UBTF: variants seen among roughly 807,000 people sequenced by gnomAD.
UBTF encodes upstream binding transcription factor.
Under a neutral mutation model 112.3 loss-of-function variants are expected in UBTF, and 8 were observed. The observed-to-expected ratio is 0.07, with a 90% confidence interval of 0.04 to 0.13. The LOEUF is 0.13. Ranked by LOEUF, UBTF falls within the 10% of genes least tolerant of loss-of-function variation. The pLI, the probability that UBTF is intolerant of heterozygous loss-of-function variation, is 1.00. For missense variants in UBTF, 457 were observed against 982.1 expected (o/e 0.47, Z 7.15); for synonymous variants, 417 against 373.1 (o/e 1.12, Z -1.36).
At chr17:44,219,905 G>T (rs899104157), upstream of UBTF, among the ~76,000 whole-genome samples, 12 of 150,842 alleles carry the variant, frequency 8.0e-5, no homozygotes, top group African/African-American at 2.9e-4. Flanking sequence ...CCGCCTCGCC[G>T]GCTCCGCTCC....
At position 44,211,146 on chromosome 17, in the gene UBTF, G is replaced by A. The variant is rs1250548362; in HGVS notation, c.1096C>T (p.Pro366Ser). 6.2e-7 allele frequency: 1 copy of A among 1,613,008 alleles called. No homozygotes were observed. The highest frequency in any genetic ancestry group is 1.7e-5 in the Admixed American group (1 of 60,014). The stretch of plus-strand genomic sequence containing the variant: ...AAGACCCGCTGCTGCTCCTCCTCAG[G>A]CAGGCTCTGGACAGGAAAGAGGAGC... Reference protein sequence around the residue: ...VELLRFLESLPEEEQQRVLGE... With the variant: ...VELLRFLESLSEEEQQRVLGE... The change falls in exon 12 of 21, where the codon CCT becomes TCT. Residue 366 changes from proline (P) to serine (S), a missense_variant. By Grantham distance (74) the Pro-to-Ser change is moderately conservative. Coordinates refer to ENST00000436088, the MANE Select transcript of UBTF (RefSeq NM_014233.4). This position sits in a 1 kb window ranked among gnomAD's most constrained non-coding sequence, Gnocchi z 4.9.
upstream of UBTF, chr17:44,219,691 C>T (rs904038182): frequency 2.0e-5 from 3 of 152,914 alleles, no homozygotes; most frequent in Non-Finnish European, 2.9e-5. Context: ...ACAGCGCCCT[C>T]CGCCTGCAGG....
intron 15 of UBTF, 62 bp from the exon 16 acceptor site, chr17:44,209,795 C>T: frequency 6.5e-7 from 1 of 1,548,596 alleles, no homozygotes; most frequent in Non-Finnish European, 8.8e-7. Context: ...CTGCCTTCTG[C>T]CTCATGCCAT....
Position 44,217,365 on chromosome 17 carries a change from G to A in UBTF, c.59-661C>T, listed in dbSNP as rs558476232. On this transcript the variant is annotated intron_variant, in intron 2 of 20. Coordinates refer to ENST00000436088, the MANE Select transcript of UBTF (RefSeq NM_014233.4). Reference sequence around the variant, plus strand: ...TAGGCAGGTGCACAGAAACTCTCAGGGCCCTGCTCCAGGGAGAACCCCCAG... The same window carrying A: ...TAGGCAGGTGCACAGAAACTCTCAGAGCCCTGCTCCAGGGAGAACCCCCAG... Among the ~76,000 whole-genome samples, 4 of 152,136 alleles carry A rather than the reference G, an allele frequency of 2.6e-5. 1 individual carries two copies. The South Asian group carries it at 8.3e-4, about 32-fold the overall frequency.
At chr17:44,220,997 C>T (rs2047161854), upstream of UBTF, 1 of 150,768 alleles carries the variant, frequency 6.6e-6, no homozygotes, top group Non-Finnish European at 1.5e-5. Context: ...TCGGCGCCGC[C>T]GCCTCCCGGG....
At chr17:44,218,835 C>T (rs1460949330) in intron 1 of UBTF, among the ~76,000 whole-genome samples, 1 of 150,620 alleles carries the variant, frequency 6.6e-6, no homozygotes. Context: ...GGCCGCACCG[C>T]CCCCGGGGAC....
chr17:44,209,198 G>T, intron 17 of UBTF, 154 bp downstream of exon 17: 1 of 732,808 alleles, frequency 1.4e-6, no homozygotes, highest in South Asian at 2.4e-5. Context: ...AAATAAAAGG[G>T]TGATAGTGAC....
At position 44,213,499 on chromosome 17, in the gene UBTF, C is replaced by T. The variant is rs2046683359; in HGVS notation, c.475-217G>A. 2.4e-5 allele frequency: 13 copies of T among 538,040 alleles called. No homozygotes were observed. The South Asian group carries it at 3.6e-4, about 15-fold the overall frequency. The allele number at this position is 538,040 out of a possible 1,614,324, so 33.3% of individuals were successfully genotyped here. ...GTGGGAGCTGCAGGGGTCGCCCAGA[C>T]ACTGAATCCTACATCCTATTCTCTC... On this transcript the variant is annotated intron_variant, in intron 5 of 20. Coordinates refer to ENST00000436088, the MANE Select transcript of UBTF (RefSeq NM_014233.4).
rs749754432 is a variant in UBTF, at chr17:44,211,390, G to A, written c.1048-59C>T. On this transcript the variant is annotated intron_variant, in intron 10 of 20. Coordinates refer to ENST00000436088, the MANE Select transcript of UBTF (RefSeq NM_014233.4). The surrounding 1 kb of genome is among the most constrained non-coding windows in gnomAD (Gnocchi z 4.9). ...AGACAGTGTCACCACAGACCCTGCA[G>A]TACTCGGAGGACAGTGACCTTCAGC... is the stretch of plus-strand genomic sequence containing the variant. The A allele has an allele frequency of 1.2e-4, 200 of 1,606,296 alleles. 1 individual carries two copies. Among genetic ancestry groups the A allele is most frequent in the Middle Eastern group, 1.1e-3 (6 of 5,240 alleles).
In UBTF at chr17:44,210,134, T is replaced by C; in HGVS notation, c.1616A>G (p.Lys539Arg). 1 of 1,614,182 alleles carries C rather than the reference T, an allele frequency of 6.2e-7. No homozygotes were observed. The highest frequency in any genetic ancestry group is 8.5e-7 in the Non-Finnish European group (1 of 1,180,026). ...CAGCCCCATTCCTACCTCATATCGC[T>C]TTTGGTCTTCGGCTGCCTTCTTAAT... ...MWIKKAAEDQKRYERELSEMR... is the reference protein window; with the variant it reads ...MWIKKAAEDQRRYERELSEMR... Residue 539 changes from lysine to arginine, a missense_variant, in exon 15 of 21, where the codon AAG (lysine) becomes AGG (arginine). Coordinates refer to ENST00000436088, the MANE Select transcript of UBTF (RefSeq NM_014233.4).
rs180866474 is a variant in UBTF, at chr17:44,210,259, C to G, written c.1516-25G>C. Reference sequence around the variant, plus strand: ...TCTGGGGACCAATAAGGGTATCAGCCGTGGGAGGGGTCACCCGGGGCTAGA... The same window carrying G: ...TCTGGGGACCAATAAGGGTATCAGCGGTGGGAGGGGTCACCCGGGGCTAGA... On this transcript the variant is annotated intron_variant, in intron 14 of 20. Transcript: ENST00000436088. The G allele has an allele frequency of 2.8e-4, 445 of 1,614,224 alleles. 3 individuals carry two copies. In the African/African-American group the frequency reaches 5.0e-3, roughly 18 times the overall value.
chr17:44,212,318 G>C, intron 8 of UBTF, 26 bp downstream of exon 8: 1 of 1,590,054 alleles, frequency 6.3e-7, no homozygotes, highest in South Asian at 1.1e-5. Flanking sequence ...AGAGCCGGAC[G>C]GGGAGGAGCG....
chr17:44,212,504 AG>A, intron 7 of UBTF, 50 bp from the exon 8 acceptor site: 2 of 70,210 alleles, frequency 2.8e-5, no homozygotes, highest in Non-Finnish European at 2.8e-5. Flanking sequence ...GGGCAGGGGG[AG>A]GGGGGAAGGG....
intron 5 of UBTF, among the ~76,000 whole-genome samples, chr17:44,215,150 G>C: frequency 6.6e-6 from 1 of 152,228 alleles, no homozygotes; most frequent in East Asian, 1.9e-4. Context: ...AACAGCACTG[G>C]ACTGGGACTC....
rs575765395 is a variant in UBTF at position 44,212,175 on chromosome 17, C to T, written c.771+169G>A. On this transcript the variant is annotated intron_variant, in intron 8 of 20. Coordinates refer to ENST00000436088, the MANE Select transcript of UBTF (RefSeq NM_014233.4). ...CCTGCCCTGCCCTAGCCTGAGATCT[C>T]ATGGGGGTGGGGGGTGGGGAAGGTA... 2.0e-3 allele frequency: 1,110 copies of T among 552,686 alleles called. 3 individuals carry two copies. The highest frequency in any genetic ancestry group is 4.6e-3 in the Admixed American group (111 of 23,952). 34.2% of individuals were successfully genotyped at this position (552,686 alleles called of 1,614,324 possible).
intron 13 of UBTF, 72 bp from the exon 14 acceptor site, chr17:44,210,545 G>A (rs1462274321): frequency 2.7e-6 from 4 of 1,469,216 alleles, no homozygotes; most frequent in East Asian, 5.0e-5. Context: ...CAGCAGCCCA[G>A]GCGCTCCCGC....
chr17:44,213,489 G>C, intron 5 of UBTF: 2 of 546,844 alleles, frequency 3.7e-6, no homozygotes, highest in South Asian at 5.4e-5. Context: ...AGCTGCAGGG[G>C]TCGCCCAGAC....
chr17:44,214,441 C>A (rs934286394), intron 5 of UBTF, among the ~76,000 whole-genome samples: 5 of 152,226 alleles, frequency 3.3e-5, no homozygotes, highest in African/African-American at 1.2e-4. Context: ...GAGAACAGGC[C>A]CAAGTCTTGT....
intron 17 of UBTF, chr17:44,209,115 G>T: frequency 3.2e-6 from 1 of 311,058 alleles, no homozygotes; most frequent in Non-Finnish European, 5.6e-6. Flanking sequence ...GTTGCAGTGA[G>T]CCGAGACTAC....
Sources: gnomAD v4.1 joint callset for allele counts (sites outside exome capture counted in the v4.1 genomes callset) on GRCh38, gnomAD v4.1.1 for gene constraint, Gnocchi (gnomAD v3.1) non-coding constraint, MANE v1.5 for transcripts, NCBI Gene and HGNC (gene_info 2026-07-23, HGNC 2026-07-21) for gene names.